The following MMD2 variants were observed in gnomAD, a reference collection of about 807,000 sequenced individuals.
MMD2 encodes monocyte to macrophage differentiation associated 2.
Under a neutral mutation model 33.5 loss-of-function variants are expected in MMD2, and 30 were observed. That is an observed-to-expected ratio of 0.90 (90% confidence interval 0.67 to 1.22). The LOEUF (loss-of-function observed/expected upper bound fraction) is 1.22, where lower values mean the gene tolerates loss of function less well. Among genes scored for constraint, MMD2 ranks in the 50% most tolerant of loss-of-function variants. The pLI is 0.00. For missense variants in MMD2, 364 were observed against 325.4 expected, an observed-to-expected ratio of 1.12 and a Z score of -0.91; for synonymous variants, 129 against 123.0, an observed-to-expected ratio of 1.05 and a Z score of -0.32.
In MMD2 at chr7:4,926,989, C is replaced by T. The variant is rs999271715; in HGVS notation, c.48-1457G>A. Among the ~76,000 whole-genome samples, 10 of 151,950 alleles carry T rather than the reference C, an allele frequency of 6.6e-5. No homozygotes were observed. The East Asian group carries it at 2.0e-3, about 30-fold the overall frequency. ...TCGAATTCCTGACCTCGTGATCCGC[C>T]TGCCTCGGCCTCCCAAAGTGCTGGA... is the stretch of plus-strand genomic sequence containing the variant. On this transcript the variant is annotated intron_variant, in intron 1 of 6. Transcript: ENST00000401401.
the MMD2 span, among the ~76,000 whole-genome samples, chr7:4,900,618 C>G: frequency 2.6e-5 from 4 of 152,066 alleles, no homozygotes; most frequent in Non-Finnish European, 5.9e-5. Flanking sequence ...CCTTCCATGA[C>G]TCCTCACCTC....
chr7:4,920,239 G>A lies in MMD2; in HGVS notation c.222C>T (p.Leu74=), dbSNP rs764962417. 18 of 1,594,800 alleles carry A rather than the reference G, an allele frequency of 1.1e-5. No individual in the cohort carries two copies. The highest frequency in any genetic ancestry group is 8.0e-5 in the African/African-American group (6 of 74,576). ...WETISAWIYG[L]GLCGLFVVST... The stretch of plus-strand genomic sequence containing the variant: ...ACACCACGAAGAGGCCGCAGAGGCC[G>A]AGGCCGTAGATCCAGGCAGAGATGG... The change falls in exon 3 of 7, where the codon CTC becomes CTT. Residue 74 remains leucine, a synonymous_variant. Transcript: ENST00000401401.
downstream of MMD2, among the ~76,000 whole-genome samples, chr7:4,901,752 G>A (rs558277050): frequency 1.3e-5 from 2 of 152,300 alleles, no homozygotes; most frequent in Admixed American, 6.5e-5. Flanking sequence ...TTCCCTGGCC[G>A]GGCTTCACAA....
intron 1 of MMD2, among the ~76,000 whole-genome samples, chr7:4,925,979 T>C (rs918660041): frequency 1.3e-5 from 2 of 152,162 alleles, no homozygotes; most frequent in Non-Finnish European, 1.5e-5. Context: ...CTAATTCTTG[T>C]ATTTTTAGTA....
At chr7:4,904,847 T>G (rs1204991969), downstream of MMD2, among the ~76,000 whole-genome samples, 1 of 152,124 alleles carries the variant, frequency 6.6e-6, no homozygotes, top group Non-Finnish European at 1.5e-5. Context: ...CTGGGACCAG[T>G]GCAAGTAGCT....
At chr7:4,908,956 T>A (rs1032707200) in intron 6 of MMD2, among the ~76,000 whole-genome samples, 3 of 150,822 alleles carry the variant, frequency 2.0e-5, no homozygotes, top group Non-Finnish European at 2.9e-5. Context: ...ATGCAAAAAG[T>A]TCTTGAGATG....
At chr7:4,897,339 C>T in the MMD2 span, among the ~76,000 whole-genome samples, 1 of 147,942 alleles carries the variant, frequency 6.8e-6, no homozygotes, top group Non-Finnish European at 1.5e-5. Flanking sequence ...AGGGATTATT[C>T]TTCTTAATAT....
chr7:4,941,022 C>G (rs1210851025), intron 1 of MMD2, among the ~76,000 whole-genome samples: 2 of 152,158 alleles, frequency 1.3e-5, no homozygotes, highest in Admixed American at 1.3e-4. Flanking sequence ...CAGATGCTAT[C>G]AAGTGAGAAG....
intron 1 of MMD2, among the ~76,000 whole-genome samples, chr7:4,932,057 C>T (rs1785603125): frequency 6.6e-6 from 1 of 152,204 alleles, no homozygotes; most frequent in Non-Finnish European, 1.5e-5. Flanking sequence ...GCCTGCAGCC[C>T]TGGCTTCCCC....
intron 5 of MMD2, among the ~76,000 whole-genome samples, chr7:4,910,727 C>T (rs1784984416): frequency 6.6e-6 from 1 of 152,186 alleles, no homozygotes; most frequent in Non-Finnish European, 1.5e-5. Context: ...CACCCGGGTT[C>T]AAACCATTCT....
At chr7:4,944,742 TTTCTTC>T (rs1197989061) in intron 1 of MMD2, among the ~76,000 whole-genome samples, 9 of 142,056 alleles carry the variant, frequency 6.3e-5, no homozygotes, top group South Asian at 2.2e-4. Flanking sequence ...CTTTTTTCTC[TTTCTTC>T]TTCTTCTTCT....
At chr7:4,915,003 T>C (rs574950848) in intron 4 of MMD2, among the ~76,000 whole-genome samples, 78 of 152,158 alleles carry the variant, frequency 5.1e-4, no homozygotes, top group Non-Finnish European at 8.8e-4. Context: ...GCCATTGCAA[T>C]GGCTCACGCC....
intron 1 of MMD2, among the ~76,000 whole-genome samples, chr7:4,947,107 C>G (rs886441032): frequency 4.6e-5 from 7 of 152,080 alleles, no homozygotes; most frequent in African/African-American, 1.7e-4. Flanking sequence ...ACTCCAGAGG[C>G]TGAGGCAGGA....
At position 4,906,476 on chromosome 7, in the gene MMD2, G is replaced by A. The variant is rs189256538; in HGVS notation, c.*920C>T. On this transcript the variant is annotated 3_prime_UTR_variant, in exon 7 of 7. Transcript: ENST00000401401. ...ACCTTAAGTATGGAGCAGGGAGCAA[G>A]TGCCTGGGGGCTGTTTGCCCCATCT... is the stretch of plus-strand genomic sequence containing the variant. 2.5e-3 allele frequency: 978 copies of A among 398,652 alleles called. 4 individuals carry two copies. The highest frequency in any genetic ancestry group is 0.012 in the Middle Eastern group (19 of 1,588). The allele number at this position is 398,652 out of a possible 1,614,324, so 24.7% of individuals were successfully genotyped here.
Position 4,946,045 on chromosome 7 carries a change from C to T in MMD2, c.47+12926G>A, listed in dbSNP as rs371744673. ...AGAAGATTCCTCTGGAGACGTACAC[C>T]TCTCTGGGGCAAAATGCACACACTC... On this transcript the variant is annotated intron_variant, in intron 1 of 6. Transcript: ENST00000401401. This position sits in a 1 kb window ranked among gnomAD's most constrained non-coding sequence, Gnocchi z 5.0. Among the ~76,000 whole-genome samples the T allele has an allele frequency of 1.1e-4, 16 of 152,330 alleles. No homozygotes were observed. Among genetic ancestry groups the T allele is most frequent in the African/African-American group, 3.8e-4 (16 of 41,588 alleles).
At chr7:4,957,998 G>A (rs1786433874) in intron 1 of MMD2, among the ~76,000 whole-genome samples, 2 of 152,182 alleles carry the variant, frequency 1.3e-5, no homozygotes, top group African/African-American at 2.4e-5. Flanking sequence ...GATGTGAGTA[G>A]GAAGAATACT....
chr7:4,945,201 T>TTCTTCTTCTTCTTCTTCTTCG (rs1786031585), intron 1 of MMD2, among the ~76,000 whole-genome samples: 2 of 138,682 alleles, frequency 1.4e-5, no homozygotes, highest in African/African-American at 5.5e-5. Flanking sequence ...CTTCTTCTTC[T>TTCTTCTTCTTCTTCTTCTTCG]TCTTCTTCTT....
At chr7:4,931,584 A>G (rs1464035994) in intron 1 of MMD2, among the ~76,000 whole-genome samples, 3 of 151,716 alleles carry the variant, frequency 2.0e-5, no homozygotes, top group African/African-American at 7.3e-5. Context: ...GCACTCCACC[A>G]TGCCCAGCTA....
At chr7:4,909,644 C>T in intron 6 of MMD2, 1 of 702,864 alleles carries the variant, frequency 1.4e-6, no homozygotes, top group South Asian at 1.5e-5. Context: ...CTATGTTGCC[C>T]AGGCTGGTCT....
Sources: allele counts gnomAD v4.1 joint callset (sites outside exome capture counted in the v4.1 genomes callset), GRCh38; gene constraint gnomAD v4.1.1; non-coding constraint Gnocchi (gnomAD v3.1); transcripts MANE v1.5; gene names NCBI Gene and HGNC (gene_info 2026-07-23, HGNC 2026-07-21).